The following OLFM3 variants were observed in gnomAD, a reference collection of about 807,000 sequenced individuals.
OLFM3 encodes olfactomedin 3.
A neutral mutation model predicts 48.6 loss-of-function variants in OLFM3; 20 were observed. The observed-to-expected ratio is 0.41, with a 90% CI of 0.29 to 0.60. The LOEUF (loss-of-function observed/expected upper bound fraction) is 0.60, where lower values mean the gene tolerates loss of function less well. OLFM3 is among the 20% of genes least tolerant of loss of function. OLFM3 has a pLI of 0.28. For missense variants in OLFM3, 437 were observed against 544.3 expected (o/e 0.80, Z 1.96); for synonymous variants, 222 against 198.1 (o/e 1.12, Z -1.01).
intron 1 of OLFM3, among the ~76,000 whole-genome samples, chr1:101,979,617 A>C (rs369168777): frequency 5.9e-5 from 9 of 152,106 alleles, no homozygotes; most frequent in Admixed American, 1.3e-4. Flanking sequence ...ATTTCAGAGA[A>C]TGTATGGAAA....
chr1:101,897,324 C>T, intron 1 of OLFM3, among the ~76,000 whole-genome samples: 1 of 152,066 alleles, frequency 6.6e-6, no homozygotes, highest in Non-Finnish European at 1.5e-5. Flanking sequence ...GTACTTATAA[C>T]AAAATATTCT....
At chr1:101,947,186 G>A (rs139873380) in intron 1 of OLFM3, among the ~76,000 whole-genome samples, 92 of 152,180 alleles carry the variant, frequency 6.0e-4, no homozygotes, top group African/African-American at 2.1e-3. Context: ...TTTTTAAAAT[G>A]TTTAGATCAT....
At chr1:101,822,288 C>G (rs1282031294) in intron 4 of OLFM3, among the ~76,000 whole-genome samples, 1 of 151,994 alleles carries the variant, frequency 6.6e-6, no homozygotes, top group African/African-American at 2.4e-5. Flanking sequence ...TGAGCAAATC[C>G]CAGAAGTTGT....
Position 101,924,395 on chromosome 1 carries a change from G to C in OLFM3, c.69+72353C>G, listed in dbSNP as rs1222222813. On this transcript the variant is annotated intron_variant, in intron 1 of 5. Coordinates refer to ENST00000370103, the MANE Select transcript of OLFM3 (RefSeq NM_058170.4). ...TTACTTTTGTTTCGACATTGAATCT[G>C]AACTAACAAAGGATGAAATGAAGCA... Among the ~76,000 whole-genome samples, 3 of 152,036 alleles carry C rather than the reference G, an allele frequency of 2.0e-5. No homozygotes were observed. The East Asian group carries it at 5.8e-4, about 29-fold the overall frequency.
intron 1 of OLFM3, among the ~76,000 whole-genome samples, chr1:101,870,063 C>T (rs550417272): frequency 6.6e-6 from 1 of 152,130 alleles, no homozygotes; most frequent in Non-Finnish European, 1.5e-5. Context: ...ATGCACTATT[C>T]AAAAATATTA....
At chr1:101,963,580 C>T (rs991109269) in intron 1 of OLFM3, among the ~76,000 whole-genome samples, 50 of 151,882 alleles carry the variant, frequency 3.3e-4, no homozygotes, top group Non-Finnish European at 6.5e-4. Context: ...ATTTTTGTTT[C>T]TTTCTCTTTA....
At chr1:101,964,757 T>C (rs1660563221) in intron 1 of OLFM3, among the ~76,000 whole-genome samples, 1 of 152,220 alleles carries the variant, frequency 6.6e-6, no homozygotes, top group South Asian at 2.1e-4. Flanking sequence ...TTAAAGAAAG[T>C]AAAACTCCAT....
chr1:101,968,344 T>C (rs1660679729), intron 1 of OLFM3, among the ~76,000 whole-genome samples: 1 of 152,144 alleles, frequency 6.6e-6, no homozygotes, highest in South Asian at 2.1e-4. Flanking sequence ...GATTTCCAAG[T>C]CAGAGAAGAT....
At chr1:101,976,978 A>G (rs1297707218) in intron 1 of OLFM3, among the ~76,000 whole-genome samples, 2 of 152,142 alleles carry the variant, frequency 1.3e-5, no homozygotes, top group African/African-American at 4.8e-5. Context: ...GCTCATGGAC[A>G]ACTTCAATAT....
intron 1 of OLFM3, among the ~76,000 whole-genome samples, chr1:101,909,627 G>A (rs956401414): frequency 4.6e-5 from 7 of 152,182 alleles, no homozygotes; most frequent in African/African-American, 1.7e-4. Flanking sequence ...CTGCATATAA[G>A]TGTGAGCATC....
chr1:101,900,909 A>G (rs1405447514), intron 1 of OLFM3, among the ~76,000 whole-genome samples: 2 of 152,088 alleles, frequency 1.3e-5, no homozygotes, highest in African/African-American at 2.4e-5. Flanking sequence ...GCGGGTGCCT[A>G]TATTTAAATA....
chr1:101,855,928 T>C (rs1656391993), intron 1 of OLFM3, among the ~76,000 whole-genome samples: 2 of 150,986 alleles, frequency 1.3e-5, no homozygotes, highest in Non-Finnish European at 2.9e-5. Flanking sequence ...AAAGTTGTTA[T>C]GAGTTGTTTC....
At chr1:101,807,762 A>G (rs1653849407) in intron 4 of OLFM3, among the ~76,000 whole-genome samples, 1 of 151,910 alleles carries the variant, frequency 6.6e-6, no homozygotes, top group South Asian at 2.1e-4. Context: ...TTATATCCAT[A>G]GTGTGGGTTA....
intron 1 of OLFM3, among the ~76,000 whole-genome samples, chr1:101,882,330 TAA>T (rs1491430116): frequency 1.5e-3 from 151 of 99,934 alleles, no homozygotes; most frequent in African/African-American, 5.0e-3. Flanking sequence ...TATATATATA[TAA>T]TATATATATA....
intron 1 of OLFM3, among the ~76,000 whole-genome samples, chr1:101,974,113 T>C (rs1200639866): frequency 6.6e-6 from 1 of 151,656 alleles, no homozygotes; most frequent in Non-Finnish European, 1.5e-5. Flanking sequence ...CCCTAACTCG[T>C]AGATAACACT....
intron 1 of OLFM3, among the ~76,000 whole-genome samples, chr1:101,854,410 C>G (rs1336747617): frequency 6.6e-6 from 1 of 152,086 alleles, no homozygotes; most frequent in African/African-American, 2.4e-5. Flanking sequence ...TTGCCTTCAT[C>G]TGTGAAGCTG....
intron 1 of OLFM3, among the ~76,000 whole-genome samples, chr1:101,858,757 A>G (rs185359289): frequency 3.0e-4 from 45 of 152,110 alleles, no homozygotes; most frequent in Admixed American, 6.5e-4. Flanking sequence ...TCTGCCTTCT[A>G]CTATAATTGT....
At chr1:101,933,257 A>G (rs1336873961) in intron 1 of OLFM3, among the ~76,000 whole-genome samples, 1 of 149,196 alleles carries the variant, frequency 6.7e-6, no homozygotes, top group Non-Finnish European at 1.5e-5. Context: ...GGGAATTTTG[A>G]GAAAGAAACA....
chr1:101,994,960 G>T (rs968935477), intron 1 of OLFM3, among the ~76,000 whole-genome samples: 2 of 152,066 alleles, frequency 1.3e-5, no homozygotes, highest in South Asian at 2.1e-4. Flanking sequence ...AACTAGAAAA[G>T]ATTATATTGA....
Sources: allele counts gnomAD v4.1 joint callset (sites outside exome capture counted in the v4.1 genomes callset), GRCh38; gene constraint gnomAD v4.1.1; transcripts MANE v1.5; gene names NCBI Gene and HGNC (gene_info 2026-07-23, HGNC 2026-07-21).